MTHFSD: variants seen among roughly 807,000 people sequenced by gnomAD.
The protein encoded by MTHFSD is methenyltetrahydrofolate synthase domain-containing protein.
MTHFSD carries 37 observed loss-of-function variants against 31.1 expected under a neutral mutation model. That is an observed-to-expected ratio of 1.19 (90% confidence interval 0.91 to 1.56). MTHFSD has a LOEUF of 1.56. MTHFSD is among the 40% of genes most tolerant of loss of function. The pLI is 0.00. For missense variants in MTHFSD, 664 were observed against 510.1 expected, an observed-to-expected ratio of 1.30 and a Z score of -2.91; for synonymous variants, 221 against 206.9, an observed-to-expected ratio of 1.07 and a Z score of -0.59.
chr16:86,554,982 C>A lies in MTHFSD; in HGVS notation c.16+187G>T, dbSNP rs1452462350. The A allele has an allele frequency of 6.0e-6, 8 of 1,336,166 alleles. No individual in the cohort carries two copies. The African/African-American group carries it at 1.2e-4, about 20-fold the overall frequency. 82.8% of individuals were successfully genotyped at this position (1,336,166 alleles called of 1,614,324 possible). A position where few individuals can be genotyped will look rare whatever the true frequency, so the allele number is the denominator to read the frequency against. Reference sequence around the variant, plus strand: ...TCTTTATTTTTCCTGACATCTTTCTCGGGATTCCGGGCGAGAGAGCCGCTG... The same window carrying A: ...TCTTTATTTTTCCTGACATCTTTCTAGGGATTCCGGGCGAGAGAGCCGCTG... On this transcript the variant is annotated intron_variant, in intron 1 of 7. Transcript: ENST00000360900.
chr16:86,532,000 T>A lies in MTHFSD; in HGVS notation c.*11A>T, dbSNP rs921543865. ...GCGAGTCTGCAGTGAGCTCCGTGGC[T>A]GTCCACGAGGTCACTTGTCCCTCTG... On this transcript the variant is annotated 3_prime_UTR_variant, in exon 8 of 8. Transcript: ENST00000360900. The surrounding 1 kb of genome is among the most constrained non-coding windows in gnomAD (Gnocchi z 5.5). The A allele has an allele frequency of 2.1e-6, 3 of 1,452,998 alleles. No homozygotes were observed. Among genetic ancestry groups the A allele is most frequent in the Non-Finnish European group, 2.7e-6 (3 of 1,108,274 alleles). 90.0% of individuals were successfully genotyped at this position (1,452,998 alleles called of 1,614,324 possible). A position where few individuals can be genotyped will look rare whatever the true frequency, so the allele number is the denominator to read the frequency against.
chr16:86,533,885 C>T (rs553870379), intron 7 of MTHFSD: 1 of 152,362 alleles, frequency 6.6e-6, no homozygotes, highest in African/African-American at 2.4e-5. Context: ...AGTCTTCTCT[C>T]ATCTAATACC....
At chr16:86,541,266 T>C (rs960211005) in intron 7 of MTHFSD, 1 of 1,222,092 alleles carries the variant, frequency 8.2e-7, no homozygotes, top group African/African-American at 1.6e-5. Context: ...TCAGGCTAGA[T>C]CTGCTTGAAG....
rs28481296 is a variant in MTHFSD, at chr16:86,549,651, A to G, written c.238-1074T>C. Among the ~76,000 whole-genome samples, 984 of 152,344 alleles carry G rather than the reference A, an allele frequency of 6.5e-3. 15 individuals are homozygous for G. Among genetic ancestry groups the G allele is most frequent in the African/African-American group, 0.023 (939 of 41,574 alleles). ...TGGATCTCAGCCTTTAGTGTGCATT[A>G]GAATCACCAGCAAGCTTTAAGAATT... On this transcript the variant is annotated intron_variant, in intron 3 of 7. Transcript: ENST00000360900.
chr16:86,534,808 G>C (rs1441884828), intron 7 of MTHFSD, among the ~76,000 whole-genome samples: 1 of 152,140 alleles, frequency 6.6e-6, no homozygotes, highest in Non-Finnish European at 1.5e-5. Flanking sequence ...GGGTGGGGTG[G>C]GGGCAAGGTA....
intron 2 of MTHFSD, among the ~76,000 whole-genome samples, chr16:86,554,127 T>C (rs1263491549): frequency 6.6e-6 from 1 of 152,152 alleles, no homozygotes; most frequent in East Asian, 1.9e-4. Context: ...CCAATCCCCT[T>C]CCACATTGTG....
At position 86,530,283 on chromosome 16, in the gene MTHFSD, A is replaced by G. The variant is rs949142430; in HGVS notation, c.*1728T>C. 1 of 152,256 alleles carries G rather than the reference A, an allele frequency of 6.6e-6. No homozygotes were observed. The highest frequency in any genetic ancestry group is 1.5e-5 in the Non-Finnish European group (1 of 68,044). 9.4% of individuals were successfully genotyped at this position (152,256 alleles called of 1,614,324 possible). ...TGAGAAACTCTTTCAGATTATCTGT[A>G]TATCCATATACCTGGATTATTCTGG... On this transcript the variant is annotated 3_prime_UTR_variant, in exon 8 of 8. Transcript: ENST00000360900.
intron 7 of MTHFSD, among the ~76,000 whole-genome samples, chr16:86,536,684 G>A (rs1970733535): frequency 6.6e-6 from 1 of 152,226 alleles, no homozygotes. Context: ...CTGTTTCCTG[G>A]TATACATGAT....
intron 4 of MTHFSD, 74 bp from the exon 5 acceptor site, chr16:86,546,723 C>A: frequency 7.7e-7 from 1 of 1,294,942 alleles, no homozygotes; most frequent in Non-Finnish European, 1.1e-6. Flanking sequence ...GATCAAAGTG[C>A]ACTCAGGGTT....
chr16:86,555,155 GCCA>G lies in MTHFSD; in HGVS notation c.16+11_16+13del. ...CCATTCCCAGCCGCCCCGGAGCCCC[GCCA>G]GGCCCCCCACCTGCCCTCGGCTCCA... On this transcript the variant is annotated intron_variant, in intron 1 of 7. Coordinates refer to ENST00000360900, the MANE Select transcript of MTHFSD (RefSeq NM_001159377.2). 1 of 1,534,534 alleles carries G rather than the reference GCCA, an allele frequency of 6.5e-7. No homozygotes were observed. Among genetic ancestry groups the G allele is most frequent in the Non-Finnish European group, 8.7e-7 (1 of 1,145,056 alleles).
rs577895712 is a variant in MTHFSD at position 86,553,023 on chromosome 16, A to G, written c.124-877T>C. 1.8e-4 allele frequency among the ~76,000 whole-genome samples: 28 copies of G among 152,020 alleles called. No homozygotes were observed. The Middle Eastern group carries it at 0.01, about 55-fold the overall frequency. ...TCTGTCAACACTGTTAGGAACAGCC[A>G]TCTTTGATTGTCTTACATTTTGATC... On this transcript the variant is annotated intron_variant, in intron 2 of 7. Transcript: ENST00000360900.
intron 3 of MTHFSD, among the ~76,000 whole-genome samples, chr16:86,549,901 C>T (rs1434827881): frequency 6.6e-6 from 1 of 152,246 alleles, no homozygotes; most frequent in Non-Finnish European, 1.5e-5. Context: ...CTGTGCATGC[C>T]CCCGGCACTG....
chr16:86,548,656 CAGG>C, intron 3 of MTHFSD, 79 bp from the exon 4 acceptor site: 2 of 1,187,834 alleles, frequency 1.7e-6, no homozygotes, highest in Non-Finnish European at 2.4e-6. Context: ...TTTACCATTT[CAGG>C]AGAAGAGGCA....
chr16:86,546,630 A>G lies in MTHFSD; in HGVS notation c.371T>C (p.Val124Ala), dbSNP rs753790665. The stretch of plus-strand genomic sequence containing the variant: ...GACTCTGGAGTCCAAGCCTATGGGG[A>G]CACTGTAGTTCCTCACACCCTGCAC... Reference protein sequence around the residue: ...ATSQGVRNYSVPIGLDSRVLV... With the variant: ...ATSQGVRNYSAPIGLDSRVLV... The change falls in exon 5 of 8, where the codon GTC (valine) becomes GCC (alanine). Residue 124 changes from valine to alanine, a missense_variant. Transcript: ENST00000360900. 9.9e-6 allele frequency: 16 copies of G among 1,613,742 alleles called. No individual in the cohort carries two copies. Among genetic ancestry groups the G allele is most frequent in the Non-Finnish European group, 1.3e-5 (15 of 1,179,976 alleles).
Position 86,541,118 on chromosome 16 carries a change from GAC to G in MTHFSD, c.681+577_681+578del, listed in dbSNP as rs1971446776. ...GTAATTCTGGCTGTTTGCCAGCAGA[GAC>G]AGCATCATAACCTACAGGCTGATTT... is the stretch of plus-strand genomic sequence containing the variant. On this transcript the variant is annotated intron_variant, in intron 7 of 7. Coordinates refer to ENST00000360900, the MANE Select transcript of MTHFSD (RefSeq NM_001159377.2). 2.3e-6 allele frequency: 3 copies of G among 1,281,184 alleles called. No individual in the cohort carries two copies. The Admixed American group carries it at 7.2e-5, about 31-fold the overall frequency. 79.4% of individuals were successfully genotyped at this position (1,281,184 alleles called of 1,614,324 possible). A position where few individuals can be genotyped will look rare whatever the true frequency, so the allele number is the denominator to read the frequency against.
chr16:86,543,388 C>T (rs2143643386), intron 5 of MTHFSD, among the ~76,000 whole-genome samples: 1 of 152,356 alleles, frequency 6.6e-6, no homozygotes, highest in East Asian at 1.9e-4. Context: ...GAGGCATTGG[C>T]CCCCATGGAT....
chr16:86,543,491 C>T (rs1465607217), intron 5 of MTHFSD, among the ~76,000 whole-genome samples: 1 of 152,222 alleles, frequency 6.6e-6, no homozygotes. Context: ...CTGGAAATAA[C>T]TCATAACGTA....
intron 2 of MTHFSD, 88 bp from the exon 3 acceptor site, chr16:86,552,234 G>A (rs1242491845): frequency 1.2e-6 from 2 of 1,612,584 alleles, no homozygotes; most frequent in African/African-American, 1.3e-5. Flanking sequence ...TACTTTAATG[G>A]TCCTGGCCGT....
At chr16:86,553,053 G>A (rs540050152) in intron 2 of MTHFSD, among the ~76,000 whole-genome samples, 2 of 152,096 alleles carry the variant, frequency 1.3e-5, no homozygotes, top group Admixed American at 6.5e-5. Context: ...TTGATCAGCT[G>A]GGAAACTGAG....
Sources: gnomAD v4.1 joint callset for allele counts (sites outside exome capture counted in the v4.1 genomes callset) on GRCh38, gnomAD v4.1.1 for gene constraint, Gnocchi (gnomAD v3.1) non-coding constraint, MANE v1.5 for transcripts, NCBI Gene and HGNC (gene_info 2026-07-23, HGNC 2026-07-21) for gene names.